Variants in XKR4 observed in about 807,000 individuals in gnomAD.
XKR4 encodes the protein XK related 4, also known as XK-related protein 4.
Under a neutral mutation model 53.9 loss-of-function variants are expected in XKR4, and 12 were observed. The ratio of observed to expected loss-of-function variants is 0.22; its 90% confidence interval spans 0.14 to 0.36. The LOEUF (loss-of-function observed/expected upper bound fraction) is 0.36. Ranked by LOEUF, XKR4 falls within the 10% of genes least tolerant of loss-of-function variation. The probability of loss-of-function intolerance (pLI) is 1.00; values close to 1 mark genes in which losing one functional copy is unlikely to be tolerated. For missense variants in XKR4, 799 were observed against 859.5 expected, an observed-to-expected ratio of 0.93 and a Z score of 0.88; for synonymous variants, 354 against 362.4, an observed-to-expected ratio of 0.98 and a Z score of 0.26.
intron 2 of XKR4, among the ~76,000 whole-genome samples, chr8:55,366,909 C>G (rs994604404): frequency 6.6e-6 from 1 of 152,180 alleles, no homozygotes; most frequent in African/African-American, 2.4e-5. Flanking sequence ...ACCCACGCCA[C>G]CACCCACTAC....
chr8:55,317,325 A>C (rs566918870), intron 1 of XKR4, among the ~76,000 whole-genome samples: 1 of 152,334 alleles, frequency 6.6e-6, no homozygotes, highest in East Asian at 1.9e-4. Context: ...GATTGATCAC[A>C]GGTAAACAAA....
intron 1 of XKR4, among the ~76,000 whole-genome samples, chr8:55,139,507 C>A (rs1403912357): frequency 4.0e-5 from 2 of 50,146 alleles, no homozygotes; most frequent in Admixed American, 1.9e-4. Flanking sequence ...AGCAAGACTC[C>A]GTCTCAAAAA....
At chr8:55,356,899 G>A (rs1449357219) in intron 1 of XKR4, among the ~76,000 whole-genome samples, 1 of 151,966 alleles carries the variant, frequency 6.6e-6, no homozygotes, top group Non-Finnish European at 1.5e-5. Context: ...GACGATGAAG[G>A]CATTTATGAT....
intron 1 of XKR4, among the ~76,000 whole-genome samples, chr8:55,248,486 CTCAG>C (rs1818319895): frequency 6.6e-6 from 1 of 152,200 alleles, no homozygotes; most frequent in South Asian, 2.1e-4. Flanking sequence ...CTCCATGTTT[CTCAG>C]TCAGTGATAA....
chr8:55,442,553 C>G (rs1805286656), intron 2 of XKR4, among the ~76,000 whole-genome samples: 1 of 152,104 alleles, frequency 6.6e-6, no homozygotes, highest in Admixed American at 6.5e-5. Context: ...TTATTCATAA[C>G]AGCCAAAAAT....
chr8:55,164,789 T>C (rs75325342), intron 1 of XKR4: 34 of 167,200 alleles, frequency 2.0e-4, no homozygotes, highest in South Asian at 4.3e-4. Flanking sequence ...CACACACACA[T>C]ACACACACAC....
intron 1 of XKR4, among the ~76,000 whole-genome samples, chr8:55,342,736 G>A (rs1313537032): frequency 1.3e-5 from 2 of 152,112 alleles, no homozygotes; most frequent in Non-Finnish European, 2.9e-5. Flanking sequence ...CACCTCTCTA[G>A]TATATTTCCC....
At chr8:55,443,741 T>G (rs559950710) in intron 2 of XKR4, among the ~76,000 whole-genome samples, 1 of 145,682 alleles carries the variant, frequency 6.9e-6, no homozygotes, top group African/African-American at 2.6e-5. Context: ...CTCGGGAGAC[T>G]GAGGCAAGGG....
chr8:55,277,171 A>G (rs1227151768), intron 1 of XKR4, among the ~76,000 whole-genome samples: 3 of 152,206 alleles, frequency 2.0e-5, no homozygotes, highest in African/African-American at 4.8e-5. Context: ...GTCAATATGA[A>G]CTATGGACAT....
At chr8:55,381,394 T>C (rs1804230850) in intron 2 of XKR4, among the ~76,000 whole-genome samples, 1 of 152,180 alleles carries the variant, frequency 6.6e-6, no homozygotes, top group African/African-American at 2.4e-5. Context: ...TTATGGAGGC[T>C]AAAAGGTCCC....
chr8:55,109,509 T>C (rs1375901096), intron 1 of XKR4, among the ~76,000 whole-genome samples: 2 of 152,178 alleles, frequency 1.3e-5, no homozygotes. Context: ...ATCTCTGAGT[T>C]AGCTGACAGG....
At chr8:55,257,790 A>G (rs184611767) in intron 1 of XKR4, among the ~76,000 whole-genome samples, 4 of 152,236 alleles carry the variant, frequency 2.6e-5, no homozygotes, top group African/African-American at 9.6e-5. Context: ...GAAAAGAGGA[A>G]AACGATTGAT....
intron 2 of XKR4, chr8:55,449,474 A>T (rs1295183019): frequency 3.0e-6 from 3 of 1,009,820 alleles, no homozygotes; most frequent in Non-Finnish European, 4.5e-6. Context: ...GTCGGTAACG[A>T]CTGGAAGCAG....
chr8:55,480,518 T>C (rs1806084401), intron 2 of XKR4, among the ~76,000 whole-genome samples: 1 of 152,036 alleles, frequency 6.6e-6, no homozygotes. Flanking sequence ...CTCTCACTAC[T>C]CCTATTCAAC....
At chr8:55,446,257 G>A (rs1423103436) in intron 2 of XKR4, among the ~76,000 whole-genome samples, 3 of 152,318 alleles carry the variant, frequency 2.0e-5, no homozygotes, top group African/African-American at 7.2e-5. Flanking sequence ...ATGTTACAAT[G>A]TGCATAACAT....
At position 55,462,638 on chromosome 8, in the gene XKR4, T is replaced by A. The variant is rs191905969; in HGVS notation, c.1007-60643T>A. Among the ~76,000 whole-genome samples, 229 of 152,200 alleles carry A rather than the reference T, an allele frequency of 1.5e-3. 2 individuals carry two copies. Among genetic ancestry groups the A allele is most frequent in the African/African-American group, 5.3e-3 (219 of 41,546 alleles). ...CACACATAACAATACTAACCTTAAA[T>A]GTAAATGGGCTAAATGCTCCAATTA... is the stretch of plus-strand genomic sequence containing the variant. On this transcript the variant is annotated intron_variant, in intron 2 of 2. Coordinates refer to ENST00000327381, the MANE Select transcript of XKR4 (RefSeq NM_052898.2).
At chr8:55,327,779 G>T (rs577099315) in intron 1 of XKR4, among the ~76,000 whole-genome samples, 1 of 152,246 alleles carries the variant, frequency 6.6e-6, no homozygotes, top group South Asian at 2.1e-4. Flanking sequence ...AAAAAGAAAT[G>T]TTCTCTAGAA....
chr8:55,421,525 A>C (rs938743413), intron 2 of XKR4, among the ~76,000 whole-genome samples: 7 of 149,978 alleles, frequency 4.7e-5, no homozygotes, highest in African/African-American at 1.2e-4. Flanking sequence ...GCACCTTGGC[A>C]TCTCTCTCTC....
intron 2 of XKR4, among the ~76,000 whole-genome samples, chr8:55,376,517 A>G (rs2129386839): frequency 6.6e-6 from 1 of 152,138 alleles, no homozygotes; most frequent in South Asian, 2.1e-4. Flanking sequence ...GGCCACATGT[A>G]TGTCTTTTTT....
Sources: allele counts gnomAD v4.1 joint callset (sites outside exome capture counted in the v4.1 genomes callset), GRCh38; gene constraint gnomAD v4.1.1; transcripts MANE v1.5; gene names NCBI Gene and HGNC (gene_info 2026-07-23, HGNC 2026-07-21).